The following SEMA5B variants were observed in gnomAD, a reference collection of about 807,000 sequenced individuals.
SEMA5B encodes the protein semaphorin-5B.
Under a neutral mutation model 135.0 loss-of-function variants are expected in SEMA5B, and 66 were observed. The observed-to-expected ratio is 0.49, with a 90% CI of 0.40 to 0.60. The LOEUF is 0.60. Ranked by LOEUF, SEMA5B falls within the 20% of genes least tolerant of loss-of-function variation. The pLI, the probability that SEMA5B is intolerant of heterozygous loss-of-function variation, is 0.00. For synonymous variants in SEMA5B, 690 were observed against 639.5 expected (o/e 1.08, Z -1.19); for missense variants, 1,501 against 1,566.3 (o/e 0.96, Z 0.70).
In SEMA5B at chr3:122,915,600, C is replaced by T. The variant is rs2107618603; in HGVS notation, c.1828G>A (p.Gly610Arg). ...CATGGTGACCATGGGCCGAAGCCCCCATCCCGTGTCACATTCCGCACCTGA... is the reference window on the plus strand; with the variant it reads ...CATGGTGACCATGGGCCGAAGCCCCTATCCCGTGTCACATTCCGCACCTGA... ...ACPVRNVTRD[G>R]GFGPWSPWQP... is the part of the protein sequence containing the mutation. Residue 610 changes from glycine to arginine, a missense_variant, in exon 14 of 23, where the codon GGG becomes AGG. Around this residue, in one of 2 missense-constraint regions of SEMA5B, gnomAD observed 927 missense variants for 881.6 expected, o/e 1.05. Coordinates refer to ENST00000357599, the MANE Select transcript of SEMA5B (RefSeq NM_001031702.4). 1 of 1,612,772 alleles carries T rather than the reference C, an allele frequency of 6.2e-7. No homozygotes were observed. The highest frequency in any genetic ancestry group is 8.5e-7 in the Non-Finnish European group (1 of 1,179,098).
chr3:122,911,723 G>C (rs1301599884), intron 20 of SEMA5B, among the ~76,000 whole-genome samples, 188 bp from the exon 21 acceptor site: 1 of 152,250 alleles, frequency 6.6e-6, no homozygotes, highest in East Asian at 1.9e-4. Context: ...CCCATCCACA[G>C]GATGAGGAGG....
chr3:122,932,552 G>A (rs541175421), intron 5 of SEMA5B, among the ~76,000 whole-genome samples: 5 of 152,066 alleles, frequency 3.3e-5, no homozygotes, highest in South Asian at 4.2e-4. Flanking sequence ...GACATCCCAC[G>A]GGAATAAGGG....
chr3:122,997,521 C>G lies in SEMA5B; in HGVS notation c.-39+29943G>C, dbSNP rs539618812. On this transcript the variant is annotated intron_variant, in intron 1 of 22. Coordinates refer to ENST00000357599, the MANE Select transcript of SEMA5B (RefSeq NM_001031702.4). ...ACCTGGCTGGTCCCCAGGCCTCTCC[C>G]CCCCCCGTCTCCACCAGGGCATGTT... Among the ~76,000 whole-genome samples, 266 of 151,884 alleles carry G rather than the reference C, an allele frequency of 1.8e-3. 3 individuals are homozygous for G. Among genetic ancestry groups the G allele is most frequent in the African/African-American group, 6.2e-3 (258 of 41,356 alleles).
intron 1 of SEMA5B, among the ~76,000 whole-genome samples, chr3:122,979,973 C>A (rs1464804784): frequency 6.6e-6 from 1 of 152,202 alleles, no homozygotes; most frequent in African/African-American, 2.4e-5. Flanking sequence ...TTGGGCCATA[C>A]GCAATAGCTC....
chr3:122,988,520 G>C (rs1941768514), intron 1 of SEMA5B, among the ~76,000 whole-genome samples: 1 of 152,244 alleles, frequency 6.6e-6, no homozygotes, highest in Non-Finnish European at 1.5e-5. Flanking sequence ...GCAGGAGGAA[G>C]AGAGGGAGCA....
At chr3:122,994,114 GC>G (rs2107730619) in intron 1 of SEMA5B, among the ~76,000 whole-genome samples, 1 of 152,100 alleles carries the variant, frequency 6.6e-6, no homozygotes, top group Non-Finnish European at 1.5e-5. Flanking sequence ...CACCACTACA[GC>G]CCGACTTCCT....
intron 1 of SEMA5B, among the ~76,000 whole-genome samples, chr3:122,997,525 C>CG (rs1305704476): frequency 6.6e-6 from 1 of 151,182 alleles, no homozygotes; most frequent in Non-Finnish European, 1.5e-5. Flanking sequence ...CTCTCCCCCC[C>CG]CCGTCTCCAC....
At chr3:123,021,386 G>A (rs1560454208) in intron 1 of SEMA5B, among the ~76,000 whole-genome samples, 1 of 152,188 alleles carries the variant, frequency 6.6e-6, no homozygotes, top group Non-Finnish European at 1.5e-5. Context: ...CTGGCTGCTA[G>A]AAACAAAAGT....
At chr3:122,922,782 G>C (rs1006431106) in intron 10 of SEMA5B, among the ~76,000 whole-genome samples, 9 of 152,196 alleles carry the variant, frequency 5.9e-5, no homozygotes, top group African/African-American at 2.2e-4. Flanking sequence ...TGTTGCTGCA[G>C]GCTCCCCTCT....
rs1462932729 is a variant in SEMA5B at position 122,948,559 on chromosome 3, C to T, written c.275G>A (p.Ser92Asn). Residue 92 changes from serine (S) to asparagine (N), a missense_variant, in exon 3 of 23, where the codon AGC becomes AAC. Transcript: ENST00000357599. ...SSSQDVSSEP[S>N]SEQQLCALSK... The stretch of plus-strand genomic sequence containing the variant: ...AAGGGCGCACAGCTGCTGCTCACTG[C>T]TGGGCTCACTGGAGACATCCTGGGA... The T allele has an allele frequency of 6.2e-7, 1 of 1,613,304 alleles. No individual in the cohort carries two copies. Among genetic ancestry groups the T allele is most frequent in the Admixed American group, 1.7e-5 (1 of 59,976 alleles).
chr3:122,925,643 C>T (rs914103631), intron 9 of SEMA5B, among the ~76,000 whole-genome samples: 1 of 151,590 alleles, frequency 6.6e-6, no homozygotes, highest in African/African-American at 2.4e-5. Flanking sequence ...GCGCTCCAGC[C>T]TGGGCGACAG....
At chr3:122,972,359 T>A (rs1002821712) in intron 1 of SEMA5B, among the ~76,000 whole-genome samples, 1 of 152,184 alleles carries the variant, frequency 6.6e-6, no homozygotes, top group African/African-American at 2.4e-5. Flanking sequence ...ACACAAATGG[T>A]TCTGCTGCCC....
rs746442675 is a variant in SEMA5B at position 122,912,357 on chromosome 3, GGT to G, written c.2726-17_2726-16del. On this transcript the variant is annotated splice_polypyrimidine_tract_variant and intron_variant, in intron 18 of 22. Coordinates refer to ENST00000357599, the MANE Select transcript of SEMA5B (RefSeq NM_001031702.4). The stretch of plus-strand genomic sequence containing the variant: ...AGCACCCCGAACTGCAAGGGGACGG[GGT>G]GTGTGAGGGGCTGTAGGGGCAGCCA... 13 of 1,565,664 alleles carry G rather than the reference GGT, an allele frequency of 8.3e-6. No individual in the cohort carries two copies. Among genetic ancestry groups the G allele is most frequent in the Admixed American group, 5.5e-5 (3 of 54,922 alleles).
chr3:122,963,288 G>C (rs1438330010), intron 1 of SEMA5B, among the ~76,000 whole-genome samples: 2 of 152,146 alleles, frequency 1.3e-5, no homozygotes, highest in African/African-American at 4.8e-5. Flanking sequence ...CTTGAGATCA[G>C]GAGTTCGAGA....
At chr3:123,022,585 C>T (rs1048967617) in intron 1 of SEMA5B, among the ~76,000 whole-genome samples, 6 of 152,198 alleles carry the variant, frequency 3.9e-5, no homozygotes, top group African/African-American at 1.4e-4. Flanking sequence ...CAAGGTTAAA[C>T]TCTCCTGACC....
At chr3:122,925,715 G>T (rs1042249751) in intron 9 of SEMA5B, among the ~76,000 whole-genome samples, 6 of 152,072 alleles carry the variant, frequency 3.9e-5, no homozygotes, top group African/African-American at 9.7e-5. Flanking sequence ...AAAAAGTATC[G>T]TAAAGTTTTC....
intron 1 of SEMA5B, among the ~76,000 whole-genome samples, chr3:122,962,978 CA>C (rs1553777989): frequency 6.6e-6 from 1 of 152,182 alleles, no homozygotes; most frequent in Non-Finnish European, 1.5e-5. Context: ...ACTCTGACCC[CA>C]AAGCCCCATT....
Position 122,962,010 on chromosome 3 carries a change from G to A in SEMA5B, c.-38-709C>T, listed in dbSNP as rs7618740. On this transcript the variant is annotated intron_variant, in intron 1 of 22. Coordinates refer to ENST00000357599, the MANE Select transcript of SEMA5B (RefSeq NM_001031702.4). The stretch of plus-strand genomic sequence containing the variant: ...GCTGTTGCCTCTCCCGTGGACCACA[G>A]CTGGGCAAGGTTCTCTACTTTTAAG... 9.4e-3 allele frequency among the ~76,000 whole-genome samples: 1,432 copies of A among 152,286 alleles called. 26 individuals are homozygous for A. The highest frequency in any genetic ancestry group is 0.063 in the South Asian group (306 of 4,824).
Position 122,923,696 on chromosome 3 carries a change from G to A in SEMA5B, c.1193C>T (p.Ala398Val), listed in dbSNP as rs1938487138. ...CAFNLSAISQ[A>V]FNGPFRYQEN... ...CTGGTAGCGAAATGGGCCATTGAAAGCCTGGGAGATAGCACTGAGGTTGAA... is the reference window on the plus strand; with the variant it reads ...CTGGTAGCGAAATGGGCCATTGAAAACCTGGGAGATAGCACTGAGGTTGAA... The change falls in exon 10 of 23, where the codon GCT becomes GTT. Residue 398 changes from alanine (A) to valine (V), a missense_variant. Ala to Val is a moderately conservative substitution (Grantham distance 64, BLOSUM62 0). Around this residue, in one of 2 missense-constraint regions of SEMA5B, gnomAD observed 574 missense variants for 684.7 expected, o/e 0.84. Transcript: ENST00000357599. 1.9e-6 allele frequency: 3 copies of A among 1,614,010 alleles called. No homozygotes were observed. The highest frequency in any genetic ancestry group is 1.1e-5 in the South Asian group (1 of 91,082).
Sources: gnomAD v4.1 joint callset for allele counts (sites outside exome capture counted in the v4.1 genomes callset) on GRCh38, gnomAD v4.1.1 for gene constraint, gnomAD v4.1.1 regional missense constraint, MANE v1.5 for transcripts, NCBI Gene and HGNC (gene_info 2026-07-23, HGNC 2026-07-21) for gene names.